The following DENND2B variants were observed in gnomAD, a reference collection of about 807,000 sequenced individuals.
DENND2B encodes the protein DENN domain-containing protein 2B.
A neutral mutation model predicts 116.0 loss-of-function variants in DENND2B; 32 were observed. The ratio of observed to expected loss-of-function variants is 0.28; its 90% confidence interval spans 0.21 to 0.37. The LOEUF is 0.37. Ranked by LOEUF, DENND2B falls within the 10% of genes least tolerant of loss-of-function variation. The probability of loss-of-function intolerance (pLI) is 1.00; values close to 1 mark genes in which losing one functional copy is unlikely to be tolerated. For missense variants in DENND2B, 1,276 were observed against 1,477.7 expected, an observed-to-expected ratio of 0.86 and a Z score of 2.24; for synonymous variants, 588 against 583.9, an observed-to-expected ratio of 1.01 and a Z score of -0.10.
At chr11:8,719,708 G>C (rs1466435245) in intron 4 of DENND2B, among the ~76,000 whole-genome samples, 1 of 152,206 alleles carries the variant, frequency 6.6e-6, no homozygotes, top group African/African-American at 2.4e-5. Flanking sequence ...CCCTGCAGGA[G>C]TGAGGAGGTG....
At chr11:8,805,710 G>A (rs2060776520) in intron 1 of DENND2B, among the ~76,000 whole-genome samples, 1 of 152,186 alleles carries the variant, frequency 6.6e-6, no homozygotes, top group Non-Finnish European at 1.5e-5. Context: ...GGTCTATGCT[G>A]CTTCTCTCTT....
At chr11:8,737,723 T>A (rs1353099359) in intron 2 of DENND2B, among the ~76,000 whole-genome samples, 1 of 151,946 alleles carries the variant, frequency 6.6e-6, no homozygotes, top group Non-Finnish European at 1.5e-5. Context: ...TTCTTTTCTT[T>A]CTTTCATTCT....
chr11:8,736,951 G>A (rs1024362365), intron 2 of DENND2B, among the ~76,000 whole-genome samples: 3 of 152,224 alleles, frequency 2.0e-5, no homozygotes, highest in African/African-American at 7.2e-5. Context: ...TGGCAACAAG[G>A]AGACTATTTA....
chr11:8,761,960 C>T (rs954236465), intron 1 of DENND2B, among the ~76,000 whole-genome samples: 9 of 152,110 alleles, frequency 5.9e-5, no homozygotes, highest in Admixed American at 2.0e-4. Flanking sequence ...AGTCTCCGGG[C>T]TGGGGTTTAG....
chr11:8,736,840 G>A (rs1159520417), intron 2 of DENND2B, among the ~76,000 whole-genome samples: 1 of 152,240 alleles, frequency 6.6e-6, no homozygotes, highest in African/African-American at 2.4e-5. Context: ...GATAAGACTT[G>A]GGCTTACACT....
chr11:8,773,798 GA>G (rs998680049), intron 1 of DENND2B, among the ~76,000 whole-genome samples: 6 of 150,368 alleles, frequency 4.0e-5, no homozygotes, highest in African/African-American at 7.3e-5. Context: ...AGAAAAGGAG[GA>G]AAAAAAAAAT....
upstream of DENND2B, among the ~76,000 whole-genome samples, chr11:8,814,841 G>A (rs768207193): frequency 6.6e-6 from 1 of 152,088 alleles, no homozygotes; most frequent in African/African-American, 2.4e-5. Flanking sequence ...CTTCCTGTCC[G>A]ACAGGAAGAA....
At chr11:8,754,030 C>T (rs1299675625) in intron 1 of DENND2B, among the ~76,000 whole-genome samples, 4 of 1,844 alleles carry the variant, frequency 2.2e-3, no homozygotes, top group African/African-American at 2.5e-3. Context: ...CAAAAGCGCG[C>T]ACACACACAC....
chr11:8,724,151 C>A (rs2046673134), intron 4 of DENND2B, among the ~76,000 whole-genome samples: 1 of 152,140 alleles, frequency 6.6e-6, no homozygotes, highest in Non-Finnish European at 1.5e-5. Flanking sequence ...AAAAAATTAG[C>A]CAGGTGTGGT....
At chr11:8,868,868 A>C (rs1421966432) in intron 2 of DENND2B, among the ~76,000 whole-genome samples, 1 of 152,198 alleles carries the variant, frequency 6.6e-6, no homozygotes, top group East Asian at 1.9e-4. Flanking sequence ...CTTGAGCTTT[A>C]TAATTCTTAG....
At chr11:8,900,556 G>A (rs149548391) in intron 1 of DENND2B, among the ~76,000 whole-genome samples, 2,074 of 151,484 alleles carry the variant, frequency 0.014, 20 homozygotes, top group Non-Finnish European at 0.023. Flanking sequence ...CCACACTTGC[G>A]CCATTGCAGT....
chr11:8,843,004 G>C (rs970067009), intron 3 of DENND2B, among the ~76,000 whole-genome samples: 1 of 111,054 alleles, frequency 9.0e-6, no homozygotes, highest in Non-Finnish European at 2.1e-5. Context: ...TCCAAAATTA[G>C]AGTTGCTCTT....
At chr11:8,900,430 C>CAA (rs3047629) in intron 1 of DENND2B, among the ~76,000 whole-genome samples, 99 of 114,628 alleles carry the variant, frequency 8.6e-4, no homozygotes, top group Non-Finnish European at 1.4e-3. Flanking sequence ...GACTCCATCT[C>CAA]AAAAAAAAAA....
upstream of DENND2B, among the ~76,000 whole-genome samples, chr11:8,873,192 A>G (rs982792198): frequency 6.6e-6 from 1 of 152,230 alleles, no homozygotes; most frequent in African/African-American, 2.4e-5. Context: ...TTCTTGTAAC[A>G]TCTCTAAGGA....
At chr11:8,737,524 G>A (rs1222370669) in intron 2 of DENND2B, among the ~76,000 whole-genome samples, 1 of 152,150 alleles carries the variant, frequency 6.6e-6, no homozygotes, top group Non-Finnish European at 1.5e-5. Flanking sequence ...AGCACGACTG[G>A]AAAAATTCAA....
chr11:8,907,992 A>C (rs571027326), intron 1 of DENND2B, among the ~76,000 whole-genome samples: 9 of 152,324 alleles, frequency 5.9e-5, no homozygotes, highest in Non-Finnish European at 1.0e-4. Context: ...GTGAGCCACC[A>C]CAAAGCCACC....
At chr11:8,718,993 C>T in intron 4 of DENND2B, 1 of 986,972 alleles carries the variant, frequency 1.0e-6, no homozygotes, top group Non-Finnish European at 1.2e-6. Context: ...TCCCTATTTT[C>T]CTGCTGCAGA....
Position 8,730,134 on chromosome 11 carries a change from G to A in DENND2B, c.1156C>T (p.Pro386Ser). The A allele has an allele frequency of 6.2e-7, 1 of 1,614,198 alleles. No homozygotes were observed. The highest frequency in any genetic ancestry group is 8.5e-7 in the Non-Finnish European group (1 of 1,180,028). Residue 386 changes from proline to serine, a missense_variant, in exon 3 of 20, where the codon CCT becomes TCT. Physicochemically the swap from Pro to Ser is moderately conservative, Grantham distance 74. Transcript: ENST00000313726. The surrounding 1 kb of genome is among the most constrained non-coding windows in gnomAD (Gnocchi z 4.1). ...SKSSLDPAVNPVPKPKRTFEY... is the reference protein window; with the variant it reads ...SKSSLDPAVNSVPKPKRTFEY... Reference sequence around the variant, plus strand: ...AAGGTGCGCTTGGGTTTGGGGACAGGGTTCACAGCGGGATCGAGGGAACTC... The same window carrying A: ...AAGGTGCGCTTGGGTTTGGGGACAGAGTTCACAGCGGGATCGAGGGAACTC...
At chr11:8,745,499 C>A (rs1408749829) in intron 2 of DENND2B, among the ~76,000 whole-genome samples, 1 of 152,164 alleles carries the variant, frequency 6.6e-6, no homozygotes, top group African/African-American at 2.4e-5. Flanking sequence ...AATCAGAGGG[C>A]AGACTGTATT....
Sources: allele counts gnomAD v4.1 joint callset (sites outside exome capture counted in the v4.1 genomes callset), GRCh38; gene constraint gnomAD v4.1.1; non-coding constraint Gnocchi (gnomAD v3.1); transcripts MANE v1.5; gene names NCBI Gene and HGNC (gene_info 2026-07-23, HGNC 2026-07-21).